Variants in IL6ST observed in about 807,000 individuals in gnomAD.
IL6ST encodes the protein interleukin-6 receptor subunit beta.
Under a neutral mutation model 91.3 loss-of-function variants are expected in IL6ST, and 24 were observed. That is an observed-to-expected ratio of 0.26 (90% CI 0.19 to 0.37). The LOEUF is 0.37. Among genes scored for constraint, IL6ST ranks in the 10% least tolerant of loss-of-function variants. IL6ST has a pLI of 1.00. For missense variants in IL6ST, 914 were observed against 1,078.5 expected, an observed-to-expected ratio of 0.85 and a Z score of 2.14; for synonymous variants, 351 against 373.6, an observed-to-expected ratio of 0.94 and a Z score of 0.70.
At chr5:55,972,171 A>C (rs1753004273) in intron 3 of IL6ST, among the ~76,000 whole-genome samples, 2 of 152,160 alleles carry the variant, frequency 1.3e-5, no homozygotes, top group Non-Finnish European at 2.9e-5. Context: ...ATAATTAGAG[A>C]CTCAGTATGA....
chr5:55,983,404 G>T (rs751906794), intron 1 of IL6ST, among the ~76,000 whole-genome samples: 23 of 152,278 alleles, frequency 1.5e-4, no homozygotes, highest in Non-Finnish European at 2.4e-4. Flanking sequence ...ATGACAGACG[G>T]AGTTCTTTAA....
rs1750500135 is a variant in IL6ST, at chr5:55,935,952, A to G, written c.*5130T>C. The G allele has an allele frequency of 4.5e-6, 1 of 220,470 alleles. No individual in the cohort carries two copies. Among genetic ancestry groups the G allele is most frequent in the African/African-American group, 2.2e-5 (1 of 44,614 alleles). 13.7% of individuals were successfully genotyped at this position (220,470 alleles called of 1,614,324 possible). A position where few individuals can be genotyped will look rare whatever the true frequency, so the allele number is the denominator to read the frequency against. ...AAAGAAATCAGGCTTGAGCCTATAC[A>G]AGCCATAACCAAATAGAAGATTTTA... On this transcript the variant is annotated 3_prime_UTR_variant, in exon 17 of 17. Transcript: ENST00000381298.
intron 7 of IL6ST, among the ~76,000 whole-genome samples, chr5:55,962,919 A>G (rs1026182305): frequency 6.6e-6 from 1 of 152,016 alleles, no homozygotes; most frequent in Admixed American, 6.5e-5. Flanking sequence ...GTTTGAGACC[A>G]TCCTGGGCAA....
chr5:55,975,981 T>C (rs1257323641), intron 3 of IL6ST, among the ~76,000 whole-genome samples: 2 of 151,550 alleles, frequency 1.3e-5, no homozygotes, highest in East Asian at 1.9e-4. Flanking sequence ...GCATTTAAGA[T>C]TACTGACTTA....
chr5:55,958,942 G>C (rs773537271), intron 8 of IL6ST, among the ~76,000 whole-genome samples: 1 of 151,952 alleles, frequency 6.6e-6, no homozygotes, highest in Non-Finnish European at 1.5e-5. Flanking sequence ...AGGAAGGCTG[G>C]GAAAAAGGCT....
rs1037336710 is a variant in IL6ST at position 55,936,394 on chromosome 5, T to C, written c.*4688A>G. The C allele has an allele frequency of 4.1e-5, 9 of 219,648 alleles. No individual in the cohort carries two copies. The highest frequency in any genetic ancestry group is 2.0e-4 in the African/African-American group (9 of 44,116). 13.6% of individuals were successfully genotyped at this position (219,648 alleles called of 1,614,324 possible). The stretch of plus-strand genomic sequence containing the variant: ...TCCACTAGGAGGGAGGATGCTACGA[T>C]TTCAGACCTCAGCTATTAAATAGTA... On this transcript the variant is annotated 3_prime_UTR_variant, in exon 17 of 17. Coordinates refer to ENST00000381298, the MANE Select transcript of IL6ST (RefSeq NM_002184.4).
chr5:55,983,790 T>C (rs566883432), intron 1 of IL6ST, among the ~76,000 whole-genome samples: 1 of 152,354 alleles, frequency 6.6e-6, no homozygotes, highest in Admixed American at 6.5e-5. Flanking sequence ...ACATGTATTA[T>C]ATAACTTTAC....
At position 55,937,824 on chromosome 5, in the gene IL6ST, AAG is replaced by A. The variant is rs1246814847; in HGVS notation, c.*3256_*3257del. On this transcript the variant is annotated 3_prime_UTR_variant, in exon 17 of 17. Coordinates refer to ENST00000381298, the MANE Select transcript of IL6ST (RefSeq NM_002184.4). ...ACAAAATAAAACTTTATTGAAACAA[AAG>A]TGTATGGTTTAGGAATATGCTCTTA... 5.1e-6 allele frequency: 1 copy of A among 194,978 alleles called. No individual in the cohort carries two copies. Among genetic ancestry groups the A allele is most frequent in the Non-Finnish European group, 1.1e-5 (1 of 93,734 alleles). 12.1% of individuals were successfully genotyped at this position (194,978 alleles called of 1,614,324 possible).
rs989728501 is a variant in IL6ST at position 55,963,358 on chromosome 5, C to G, written c.807G>C (p.Trp269Cys). The change falls in exon 7 of 17, where the codon TGG (tryptophan) becomes TGC (cysteine). Residue 269 changes from tryptophan to cysteine, a missense_variant. Physicochemically the swap from Trp to Cys is radical, Grantham distance 215. Transcript: ENST00000381298. Reference sequence around the variant, plus strand: ...ACGGTAACTTTCAATTTACCTGGCTCCAAGTTGAGGCATCTTTGGTCCTAT... The same window carrying G: ...ACGGTAACTTTCAATTTACCTGGCTGCAAGTTGAGGCATCTTTGGTCCTAT... ...IQYRTKDAST[W>C]SQIPPEDTAS... 9 of 1,575,896 alleles carry G rather than the reference C, an allele frequency of 5.7e-6. No homozygotes were observed. The highest frequency in any genetic ancestry group is 7.7e-6 in the Non-Finnish European group (9 of 1,162,588).
At chr5:55,950,209 G>C (rs1561162736) in intron 14 of IL6ST, 2 of 488,112 alleles carry the variant, frequency 4.1e-6, no homozygotes, top group African/African-American at 3.9e-5. Context: ...GATGGCTAAA[G>C]CCATGGACAG....
At chr5:55,967,945 G>A (rs892030783) in intron 5 of IL6ST, among the ~76,000 whole-genome samples, 7 of 151,982 alleles carry the variant, frequency 4.6e-5, no homozygotes, top group Admixed American at 6.6e-5. Context: ...ACAGGCACCC[G>A]CCACCATGCC....
intron 2 of IL6ST, among the ~76,000 whole-genome samples, chr5:55,979,940 A>G (rs1401275503): frequency 2.0e-5 from 3 of 152,268 alleles, no homozygotes; most frequent in Non-Finnish European, 2.9e-5. Context: ...ACTTGTAGCC[A>G]TTTAAAAAAA....
chr5:55,960,304 C>A, intron 8 of IL6ST, 98 bp downstream of exon 8: 1 of 923,096 alleles, frequency 1.1e-6, no homozygotes, highest in Admixed American at 2.4e-5. Flanking sequence ...ATAAAATGAT[C>A]ACAAACTAAG....
intron 11 of IL6ST, 46 bp from the exon 12 acceptor site, chr5:55,952,397 AGT>A: frequency 9.0e-7 from 1 of 1,111,474 alleles, no homozygotes; most frequent in Non-Finnish European, 1.3e-6. Context: ...ATAATGAAAA[AGT>A]CAAGTTAATA....
In IL6ST at chr5:55,943,770, GA is replaced by G. The variant is rs372670469; in HGVS notation, c.1938-1020del. 2.5e-3 allele frequency among the ~76,000 whole-genome samples: 377 copies of G among 150,832 alleles called. 2 individuals are homozygous for G. Among genetic ancestry groups the G allele is most frequent in the Non-Finnish European group, 2.1e-3 (139 of 67,700 alleles). On this transcript the variant is annotated intron_variant, in intron 15 of 16. Coordinates refer to ENST00000381298, the MANE Select transcript of IL6ST (RefSeq NM_002184.4). ...CCCCCCTGCAAGTAGTAGTAAAGGGGAAAAAAAAACACAAAGCGGCTGGGCG... is the reference window on the plus strand; with the variant it reads ...CCCCCCTGCAAGTAGTAGTAAAGGGGAAAAAAAACACAAAGCGGCTGGGCG...
chr5:55,987,098 G>A (rs1201259646), intron 1 of IL6ST, among the ~76,000 whole-genome samples: 1 of 152,206 alleles, frequency 6.6e-6, no homozygotes, highest in Non-Finnish European at 1.5e-5. Flanking sequence ...CTTGGAGGTC[G>A]AGGCTGCAGT....
chr5:55,968,382 G>A lies in IL6ST; in HGVS notation c.385C>T (p.Pro129Ser). The stretch of plus-strand genomic sequence containing the variant: ...TTCACAATGCAACTCAAATTTTTAG[G>A]TTTTTCTGGAGGCACTAAAAGGGAT... Reference protein sequence around the residue: ...TIISGLPPEKPKNLSCIVNEG... With the variant: ...TIISGLPPEKSKNLSCIVNEG... The change falls in exon 5 of 17, where the codon CCT (proline) becomes TCT (serine). Residue 129 changes from proline to serine, a missense_variant. Physicochemically the swap from Pro to Ser is moderately conservative, Grantham distance 74. Coordinates refer to ENST00000381298, the MANE Select transcript of IL6ST (RefSeq NM_002184.4). 5 of 1,611,592 alleles carry A rather than the reference G, an allele frequency of 3.1e-6. No individual in the cohort carries two copies. Among genetic ancestry groups the A allele is most frequent in the Non-Finnish European group, 4.2e-6 (5 of 1,179,142 alleles).
chr5:55,944,525 T>C, intron 15 of IL6ST: 1 of 424,868 alleles, frequency 2.4e-6, no homozygotes, highest in East Asian at 4.7e-5. Context: ...TACAAAACAC[T>C]GCAAAAGTAA....
At chr5:55,960,840 G>A (rs754090454) in intron 7 of IL6ST, among the ~76,000 whole-genome samples, 1 of 151,920 alleles carries the variant, frequency 6.6e-6, no homozygotes, top group African/African-American at 2.4e-5. Flanking sequence ...CATGTTGGCC[G>A]GGCTGGTCTG....
Sources: gnomAD v4.1 joint callset for allele counts (sites outside exome capture counted in the v4.1 genomes callset) on GRCh38, gnomAD v4.1.1 for gene constraint, MANE v1.5 for transcripts, NCBI Gene and HGNC (gene_info 2026-07-23, HGNC 2026-07-21) for gene names.